The following CDH4 variants were observed in gnomAD, a reference collection of about 807,000 sequenced individuals.
CDH4 encodes cadherin-4.
In CDH4, 33 loss-of-function variants were observed where a neutral mutation model predicts 86.0. The observed-to-expected ratio is 0.38, with a 90% confidence interval of 0.29 to 0.51. The LOEUF (loss-of-function observed/expected upper bound fraction) is 0.51, where lower values mean the gene tolerates loss of function less well. Ranked by LOEUF, CDH4 falls within the 20% of genes least tolerant of loss-of-function variation. The pLI, the probability that CDH4 is intolerant of heterozygous loss-of-function variation, is 0.86. For missense variants in CDH4, 1,114 were observed against 1,307.4 expected (o/e 0.85, Z 2.28); for synonymous variants, 555 against 549.4 (o/e 1.01, Z -0.14).
At chr20:61,732,560 A>G (rs888888797) in intron 2 of CDH4, among the ~76,000 whole-genome samples, 2 of 152,090 alleles carry the variant, frequency 1.3e-5, no homozygotes, top group Non-Finnish European at 2.9e-5. Flanking sequence ...CTCTTCCCTC[A>G]GGCACCAACA....
At chr20:61,504,840 T>G (rs1388333132) in intron 2 of CDH4, among the ~76,000 whole-genome samples, 1 of 152,202 alleles carries the variant, frequency 6.6e-6, no homozygotes, top group African/African-American at 2.4e-5. Flanking sequence ...AAGCACACGC[T>G]CCGCTTCCAT....
At chr20:61,472,783 T>C (rs2145570008) in intron 2 of CDH4, among the ~76,000 whole-genome samples, 1 of 152,322 alleles carries the variant, frequency 6.6e-6, no homozygotes, top group East Asian at 1.9e-4. Flanking sequence ...TTATTACTTT[T>C]TTCAGCAAAT....
chr20:61,499,279 A>G (rs1385250584), intron 2 of CDH4: 2 of 175,082 alleles, frequency 1.1e-5, no homozygotes, highest in African/African-American at 2.4e-5. Flanking sequence ...TTGGGGGCAC[A>G]GCCCCGGACC....
chr20:61,821,474 T>A (rs1981036102), intron 4 of CDH4, among the ~76,000 whole-genome samples: 1 of 89,362 alleles, frequency 1.1e-5, no homozygotes, highest in South Asian at 4.4e-4. Flanking sequence ...TCCAGTCCCC[T>A]CTCCCTATGC....
At chr20:61,492,494 T>G (rs551565296) in intron 2 of CDH4, among the ~76,000 whole-genome samples, 2 of 152,298 alleles carry the variant, frequency 1.3e-5, no homozygotes, top group African/African-American at 4.8e-5. Context: ...CTGATGTTGG[T>G]GGTGTCATTG....
chr20:61,835,457 C>T (rs1981827799), intron 4 of CDH4, among the ~76,000 whole-genome samples: 1 of 152,190 alleles, frequency 6.6e-6, no homozygotes, highest in East Asian at 1.9e-4. Context: ...GTAGCCAGGT[C>T]CCCTGGGAGC....
chr20:61,662,166 C>G (rs1383812670), intron 2 of CDH4, among the ~76,000 whole-genome samples: 1 of 152,112 alleles, frequency 6.6e-6, no homozygotes, highest in Non-Finnish European at 1.5e-5. Context: ...TCTGCCATGG[C>G]CTGGTGTGTG....
intron 6 of CDH4, among the ~76,000 whole-genome samples, 188 bp downstream of exon 6, chr20:61,853,086 G>A (rs561180386): frequency 6.6e-6 from 1 of 152,330 alleles, no homozygotes; most frequent in Non-Finnish European, 1.5e-5. Flanking sequence ...GGGTCAAGGG[G>A]GTTGCAGACC....
intron 2 of CDH4, among the ~76,000 whole-genome samples, chr20:61,733,297 C>T (rs1398014702): frequency 6.6e-6 from 1 of 152,130 alleles, no homozygotes; most frequent in Non-Finnish European, 1.5e-5. Flanking sequence ...AGTTGTGGTC[C>T]ACGCCCACCA....
chr20:61,852,007 C>G (rs1982746376), intron 5 of CDH4, among the ~76,000 whole-genome samples: 1 of 152,248 alleles, frequency 6.6e-6, no homozygotes, highest in South Asian at 2.1e-4. Flanking sequence ...TAAGGGGTGA[C>G]TCTGAGAAGC....
Position 61,829,107 on chromosome 20 carries a change from C to G in CDH4, c.577-15561C>G, listed in dbSNP as rs570402171. On this transcript the variant is annotated intron_variant, in intron 4 of 15. Transcript: ENST00000614565. This position sits in a 1 kb window ranked among gnomAD's most constrained non-coding sequence, Gnocchi z 4.2. ...TCACCTCCAGCTGTGCGGCCCAGTT[C>G]CTAACAGGCCACAGACCGGTACCGG... Among the ~76,000 whole-genome samples, 889 of 152,338 alleles carry G rather than the reference C, an allele frequency of 5.8e-3. 5 individuals are homozygous for G. The highest frequency in any genetic ancestry group is 9.5e-3 in the Non-Finnish European group (648 of 68,026).
At chr20:61,523,729 G>A (rs543609844) in intron 2 of CDH4, among the ~76,000 whole-genome samples, 6 of 152,332 alleles carry the variant, frequency 3.9e-5, no homozygotes, top group South Asian at 4.1e-4. Flanking sequence ...GACACCACCC[G>A]TCTGCGTCCC....
intron 3 of CDH4, among the ~76,000 whole-genome samples, chr20:61,771,984 G>C (rs1430030987): frequency 6.6e-6 from 1 of 152,184 alleles, no homozygotes; most frequent in African/African-American, 2.4e-5. Context: ...GCAACTGGGA[G>C]GCAGAGGGCT....
intron 2 of CDH4, among the ~76,000 whole-genome samples, chr20:61,285,257 G>A (rs946459119): frequency 1.3e-5 from 2 of 152,206 alleles, no homozygotes; most frequent in Admixed American, 1.3e-4. Flanking sequence ...CATCGTCAAG[G>A]TTACGAAGCC....
intron 2 of CDH4, among the ~76,000 whole-genome samples, chr20:61,424,392 C>T (rs1472015162): frequency 6.6e-6 from 1 of 151,214 alleles, no homozygotes; most frequent in African/African-American, 2.4e-5. Flanking sequence ...ACACACATAT[C>T]CACACACAGC....
chr20:61,794,498 G>C (rs767859314), intron 4 of CDH4, among the ~76,000 whole-genome samples: 5 of 152,206 alleles, frequency 3.3e-5, no homozygotes, highest in Non-Finnish European at 5.9e-5. Flanking sequence ...AGCATTTTCA[G>C]CCTGTCAAGT....
intron 2 of CDH4, among the ~76,000 whole-genome samples, chr20:61,645,629 CA>C (rs11373021): frequency 0.016 from 2,259 of 142,104 alleles, 45 homozygotes; most frequent in African/African-American, 0.047. Flanking sequence ...GACCCTGTCT[CA>C]AAAAAAAAAA....
At chr20:61,622,281 C>T (rs566987549) in intron 2 of CDH4, among the ~76,000 whole-genome samples, 1 of 152,232 alleles carries the variant, frequency 6.6e-6, no homozygotes, top group Admixed American at 6.5e-5. Context: ...CCTAGGTGGC[C>T]GCTGAGTTTT....
At chr20:61,492,039 G>A (rs1362685679) in intron 2 of CDH4, among the ~76,000 whole-genome samples, 2 of 151,872 alleles carry the variant, frequency 1.3e-5, no homozygotes, top group Non-Finnish European at 2.9e-5. Flanking sequence ...TGGTGTTGAT[G>A]TTGGTGGTAT....
Sources: allele counts gnomAD v4.1 joint callset (sites outside exome capture counted in the v4.1 genomes callset), GRCh38; gene constraint gnomAD v4.1.1; non-coding constraint Gnocchi (gnomAD v3.1); transcripts MANE v1.5; gene names NCBI Gene and HGNC (gene_info 2026-07-23, HGNC 2026-07-21).